The following KLK6 variants were observed in gnomAD, a reference collection of about 807,000 sequenced individuals.
KLK6 encodes kallikrein related peptidase 6.
A neutral mutation model predicts 21.7 loss-of-function variants in KLK6; 16 were observed. That is an observed-to-expected ratio of 0.74 (90% CI 0.50 to 1.12). The LOEUF (loss-of-function observed/expected upper bound fraction) is 1.12. KLK6 is among the 50% of genes most tolerant of loss of function. KLK6 has a pLI of 0.00. For synonymous variants in KLK6, 116 were observed against 120.1 expected (o/e 0.97, Z 0.22); for missense variants, 276 against 304.6 (o/e 0.91, Z 0.70).
At chr19:50,968,694 A>T in intron 1 of KLK6, 103 bp from the exon 2 acceptor site, 1 of 161,064 alleles carries the variant, frequency 6.2e-6, no homozygotes, top group Non-Finnish European at 1.4e-5. Context: ...CAGGGGCCGC[A>T]GAGCCCAGGG....
chr19:50,963,550 C>T lies in KLK6; in HGVS notation c.198-1G>A, dbSNP rs113023544. On this transcript the variant is annotated splice_acceptor_variant, in intron 4 of 6. Coordinates refer to ENST00000310157, the MANE Select transcript of KLK6 (RefSeq NM_002774.4). LOFTEE classifies it high-confidence loss of function. Reference sequence around the variant, plus strand: ...CTTCCCCAGGAAGACCTGAAGATTCCTGGGAAGGAAGAGGGCTGGGTCTCA... The same window carrying T: ...CTTCCCCAGGAAGACCTGAAGATTCTTGGGAAGGAAGAGGGCTGGGTCTCA... 2 of 1,613,900 alleles carry T rather than the reference C, an allele frequency of 1.2e-6. No homozygotes were observed. The highest frequency in any genetic ancestry group is 1.7e-6 in the Non-Finnish European group (2 of 1,179,906).
At chr19:50,965,705 A>G (rs780155101) in intron 4 of KLK6, among the ~76,000 whole-genome samples, 1 of 152,174 alleles carries the variant, frequency 6.6e-6, no homozygotes, top group East Asian at 1.9e-4. Context: ...CTCTTAGTCA[A>G]TGTACATCAA....
chr19:50,963,475 C>T lies in KLK6; in HGVS notation c.272G>A (p.Arg91Gln), dbSNP rs1307080062. The change falls in exon 5 of 7, where the codon CGG (arginine) becomes CAG (glutamine). Residue 91 changes from arginine to glutamine, a missense_variant. Arg to Gln is a conservative substitution (Grantham distance 43). Transcript: ENST00000310157. The part of the protein sequence containing the change: ...ESSQEQSSVV[R>Q]AVIHPDYDAA... Reference sequence around the variant, plus strand: ...ATCATAGTCAGGGTGGATCACAGCCCGGACAACAGAACTCTGCTCCTGGGA... The same window carrying T: ...ATCATAGTCAGGGTGGATCACAGCCTGGACAACAGAACTCTGCTCCTGGGA... 15 of 1,614,022 alleles carry T rather than the reference C, an allele frequency of 9.3e-6. No homozygotes were observed. The highest frequency in any genetic ancestry group is 5.3e-5 in the African/African-American group (4 of 74,904).
In KLK6 at chr19:50,959,160, A is replaced by C; in HGVS notation, c.*4T>G. 2 of 1,614,082 alleles carry C rather than the reference A, an allele frequency of 1.2e-6. No homozygotes were observed. Among genetic ancestry groups the C allele is most frequent in the Non-Finnish European group, 1.7e-6 (2 of 1,179,984 alleles). On this transcript the variant is annotated 3_prime_UTR_variant, in exon 7 of 7. Transcript: ENST00000310157. ...GGTCGGGAGGTAGATGTCACATGTCAGGGTCACTTGGCCTGAATGGTTTTT... is the reference window on the plus strand; with the variant it reads ...GGTCGGGAGGTAGATGTCACATGTCCGGGTCACTTGGCCTGAATGGTTTTT...
At chr19:50,969,419 C>G (rs544334942) in intron 1 of KLK6, 71 bp downstream of exon 1, 1 of 152,372 alleles carries the variant, frequency 6.6e-6, no homozygotes, top group Non-Finnish European at 1.5e-5. Flanking sequence ...GCCCTCACTC[C>G]GGGCTCTAGA....
intron 6 of KLK6, among the ~76,000 whole-genome samples, chr19:50,960,722 A>G (rs2090828313): frequency 6.6e-6 from 1 of 151,958 alleles, no homozygotes; most frequent in African/African-American, 2.4e-5. Flanking sequence ...CCTCCCGAGT[A>G]GCTGGGACTA....
At chr19:50,966,187 C>G (rs912072685) in intron 4 of KLK6, among the ~76,000 whole-genome samples, 6 of 152,114 alleles carry the variant, frequency 3.9e-5, no homozygotes, top group African/African-American at 1.4e-4. Context: ...TGCTCCCCTG[C>G]CTACACCCGG....
Position 50,963,493 on chromosome 19 carries a change from T to C in KLK6, c.254A>G (p.Glu85Gly). 1 of 1,614,124 alleles carries C rather than the reference T, an allele frequency of 6.2e-7. No homozygotes were observed. The highest frequency in any genetic ancestry group is 1.1e-5 in the South Asian group (1 of 91,070). Residue 85 changes from glutamate (E) to glycine (G), a missense_variant, in exon 5 of 7, where the codon GAG becomes GGG. Transcript: ENST00000310157. ...CACAGCCCGGACAACAGAACTCTGC[T>C]CCTGGGAACTCTCCCTTTGCCGAAG... is the stretch of plus-strand genomic sequence containing the variant. ...HNLRQRESSQ[E>G]QSSVVRAVIH...
At chr19:50,960,326 G>A (rs1023207569) in intron 6 of KLK6, among the ~76,000 whole-genome samples, 2 of 140,422 alleles carry the variant, frequency 1.4e-5, no homozygotes, top group African/African-American at 4.9e-5. Context: ...CTCTGTCCCT[G>A]TTTCTGCCTG....
Position 50,961,890 on chromosome 19 carries a change from G to A in KLK6, c.446-10C>T. Reference sequence around the variant, plus strand: ...GTGTCAGGGAAATCACCTGTTAGGGGAGAGATGGGCCAGACTCAGCCCAGG... The same window carrying A: ...GTGTCAGGGAAATCACCTGTTAGGGAAGAGATGGGCCAGACTCAGCCCAGG... On this transcript the variant is annotated splice_polypyrimidine_tract_variant and intron_variant, in intron 5 of 6. Transcript: ENST00000310157. 1.2e-6 allele frequency: 2 copies of A among 1,612,278 alleles called. No homozygotes were observed. The highest frequency in any genetic ancestry group is 1.7e-6 in the Non-Finnish European group (2 of 1,179,060).
chr19:50,959,391 G>GTGTC, intron 6 of KLK6, 75 bp from the exon 7 acceptor site: 4 of 1,204,316 alleles, frequency 3.3e-6, no homozygotes, highest in South Asian at 1.4e-5. Flanking sequence ...GTGTGTGTGT[G>GTGTC]TGTGTGTGTG....
Position 50,959,012 on chromosome 19 carries a change from C to T in KLK6, c.*152G>A. On this transcript the variant is annotated 3_prime_UTR_variant, in exon 7 of 7. Transcript: ENST00000310157. Reference sequence around the variant, plus strand: ...ATGCAAGGATGGAGCTGGGGTAAAACCAGGGAGAATCAGGACCCTCACGTC... The same window carrying T: ...ATGCAAGGATGGAGCTGGGGTAAAATCAGGGAGAATCAGGACCCTCACGTC... 1.2e-6 allele frequency: 1 copy of T among 808,056 alleles called. No individual in the cohort carries two copies. Among genetic ancestry groups the T allele is most frequent in the South Asian group, 1.7e-5 (1 of 60,358 alleles). 50.1% of individuals were successfully genotyped at this position (808,056 alleles called of 1,614,324 possible).
At chr19:50,959,351 G>A in intron 6 of KLK6, 35 bp from the exon 7 acceptor site, 3 of 1,582,852 alleles carry the variant, frequency 1.9e-6, no homozygotes, top group African/African-American at 2.7e-5. Context: ...GATACAGATA[G>A]AAACCCAGAG....
Position 50,963,563 on chromosome 19 carries a change from G to A in KLK6, c.198-14C>T, listed in dbSNP as rs1309078315. ...ACCTGAAGATTCCTGGGAAGGAAGA[G>A]GGCTGGGTCTCACCTGGAGCCCTTG... On this transcript the variant is annotated splice_polypyrimidine_tract_variant and intron_variant, in intron 4 of 6. Coordinates refer to ENST00000310157, the MANE Select transcript of KLK6 (RefSeq NM_002774.4). The A allele has an allele frequency of 5.6e-6, 9 of 1,613,576 alleles. No individual in the cohort carries two copies. Among genetic ancestry groups the A allele is most frequent in the East Asian group, 2.2e-5 (1 of 44,860 alleles).
At chr19:50,968,331 G>A (rs1307701793) in intron 2 of KLK6, 5 of 605,150 alleles carry the variant, frequency 8.3e-6, no homozygotes, top group Admixed American at 5.3e-5. Flanking sequence ...TCAGAACTAC[G>A]TCCACTGGTC....
intron 4 of KLK6, among the ~76,000 whole-genome samples, chr19:50,964,299 C>A (rs2090893094): frequency 6.6e-6 from 1 of 152,188 alleles, no homozygotes; most frequent in African/African-American, 2.4e-5. Flanking sequence ...AATACAAATA[C>A]CTGTTAGTAG....
intron 5 of KLK6, 67 bp from the exon 6 acceptor site, chr19:50,961,947 C>T: frequency 1.3e-6 from 2 of 1,553,538 alleles, no homozygotes; most frequent in Non-Finnish European, 1.7e-6. Context: ...CCCAGTCACC[C>T]CCCAACCCCT....
In KLK6 at chr19:50,963,523, T is replaced by C; in HGVS notation, c.224A>G (p.His75Arg). The C allele has an allele frequency of 6.2e-7, 1 of 1,614,092 alleles. No homozygotes were observed. Among genetic ancestry groups the C allele is most frequent in the Non-Finnish European group, 8.5e-7 (1 of 1,180,010 alleles). The change falls in exon 5 of 7, where the codon CAT becomes CGT. Residue 75 changes from histidine to arginine, a missense_variant. Coordinates refer to ENST00000310157, the MANE Select transcript of KLK6 (RefSeq NM_002774.4). The stretch of plus-strand genomic sequence containing the variant: ...GGAACTCTCCCTTTGCCGAAGGTTA[T>C]GCTTCCCCAGGAAGACCTGAAGATT... ...KPNLQVFLGK[H>R]NLRQRESSQE...
At chr19:50,968,846 TC>T (rs1396897273) in intron 1 of KLK6, 1 of 153,026 alleles carries the variant, frequency 6.5e-6, no homozygotes, top group African/African-American at 2.4e-5. Context: ...ACCCTTTTCC[TC>T]CTTACCCAGG....
Sources: allele counts gnomAD v4.1 joint callset (sites outside exome capture counted in the v4.1 genomes callset), GRCh38; gene constraint gnomAD v4.1.1; transcripts MANE v1.5; gene names NCBI Gene and HGNC (gene_info 2026-07-23, HGNC 2026-07-21).